The following DOCK8 variants were observed in gnomAD, a reference collection of about 807,000 sequenced individuals.
DOCK8 encodes the protein dedicator of cytokinesis 8, also known as dedicator of cytokinesis protein 8.
A neutral mutation model predicts 245.6 loss-of-function variants in DOCK8; 141 were observed. The observed-to-expected ratio is 0.57, with a 90% confidence interval of 0.50 to 0.66. The LOEUF is 0.66. DOCK8 is among the 30% of genes least tolerant of loss of function. DOCK8 has a pLI of 0.00. For missense variants in DOCK8, 2,965 were observed against 2,603.4 expected (o/e 1.14, Z -3.02); for synonymous variants, 1,168 against 970.2 (o/e 1.20, Z -3.79).
intron 26 of DOCK8, 137 bp from the exon 27 acceptor site, chr9:404,781 T>A (rs1421187267): frequency 1.1e-5 from 10 of 873,920 alleles, no homozygotes; most frequent in African/African-American, 1.7e-5. Context: ...GAATTTACCA[T>A]CTGTTGCACT....
Position 422,080 on chromosome 9 carries a change from T to G in DOCK8, c.4186T>G (p.Leu1396Val). 1 of 1,614,082 alleles carries G rather than the reference T, an allele frequency of 6.2e-7. No homozygotes were observed. The highest frequency in any genetic ancestry group is 1.1e-5 in the South Asian group (1 of 91,080). Reference protein sequence around the residue: ...NDRFPGLNENLRWKKEQTHWR... With the variant: ...NDRFPGLNENVRWKKEQTHWR... ...CCGATTTCCAGGCCTAAATGAAAAT[T>G]TGAGATGGAAGAAAGAGCAGACACA... Residue 1396 changes from leucine to valine, a missense_variant, in exon 33 of 48, where the codon TTG becomes GTG. By Grantham distance (32) the Leu-to-Val change is conservative. Transcript: ENST00000432829.
At chr9:268,237 G>T (rs1439262089) in intron 1 of DOCK8, 1 of 152,166 alleles carries the variant, frequency 6.6e-6, no homozygotes, top group East Asian at 1.9e-4. Context: ...TGACAGTTTT[G>T]AAGTGACAGG....
In DOCK8 at chr9:243,019, A is replaced by G. The variant is rs567995448; in HGVS notation, c.53+27990A>G. Among the ~76,000 whole-genome samples, 98 of 152,276 alleles carry G rather than the reference A, an allele frequency of 6.4e-4. 1 individual carries two copies. The highest frequency in any genetic ancestry group is 7.8e-4 in the Non-Finnish European group (53 of 68,036). On this transcript the variant is annotated intron_variant, in intron 1 of 47. Coordinates refer to ENST00000432829, the MANE Select transcript of DOCK8 (RefSeq NM_203447.4). Reference sequence around the variant, plus strand: ...TCTATCTTTTCATTAGAGCAGGCCAACACTGACTTGATTTTTCTCTGAAAT... The same window carrying G: ...TCTATCTTTTCATTAGAGCAGGCCAGCACTGACTTGATTTTTCTCTGAAAT...
At chr9:314,740 A>G (rs2050271196) in intron 6 of DOCK8, among the ~76,000 whole-genome samples, 1 of 152,198 alleles carries the variant, frequency 6.6e-6, no homozygotes, top group Non-Finnish European at 1.5e-5. Flanking sequence ...GTTCTATGGA[A>G]GAAAGGTAAA....
chr9:337,619 G>A (rs1324689805), intron 12 of DOCK8, among the ~76,000 whole-genome samples: 2 of 151,800 alleles, frequency 1.3e-5, no homozygotes, highest in Non-Finnish European at 2.9e-5. Flanking sequence ...ATTCCAGATG[G>A]TACTCTTTGT....
At chr9:273,444 A>AT (rs1411857861) in intron 2 of DOCK8, among the ~76,000 whole-genome samples, 3 of 152,200 alleles carry the variant, frequency 2.0e-5, no homozygotes, top group Non-Finnish European at 2.9e-5. Context: ...AATCAAAAAA[A>AT]TTTTTTTAAA....
chr9:327,492 C>G (rs1208996613), intron 8 of DOCK8, among the ~76,000 whole-genome samples: 1 of 150,178 alleles, frequency 6.7e-6, no homozygotes, highest in South Asian at 2.1e-4. Flanking sequence ...CTCCCGGGTT[C>G]AAGTGATCCA....
chr9:230,182 G>C (rs2047078971), intron 1 of DOCK8, among the ~76,000 whole-genome samples: 1 of 151,460 alleles, frequency 6.6e-6, no homozygotes, highest in African/African-American at 2.4e-5. Context: ...GCGATAGTTT[G>C]CTGAGAATGA....
chr9:449,553 GT>G (rs2057365641), intron 44 of DOCK8, among the ~76,000 whole-genome samples: 1 of 152,194 alleles, frequency 6.6e-6, no homozygotes, highest in Non-Finnish European at 1.5e-5. Flanking sequence ...GTATAAAGAG[GT>G]TGTTGAGAGG....
intron 12 of DOCK8, 75 bp downstream of exon 12, chr9:336,793 T>A: frequency 6.3e-7 from 1 of 1,576,698 alleles, no homozygotes; most frequent in Non-Finnish European, 8.7e-7. Flanking sequence ...AGGAGGAGGA[T>A]ACGTAGTGAT....
intron 15 of DOCK8, 127 bp downstream of exon 15, chr9:368,262 C>T: frequency 1.2e-6 from 1 of 844,950 alleles, no homozygotes; most frequent in Non-Finnish European, 2.1e-6. Context: ...TCAGCATGTG[C>T]AAGGGCTTCT....
intron 4 of DOCK8, among the ~76,000 whole-genome samples, chr9:294,077 G>C (rs947990772): frequency 1.3e-5 from 2 of 152,084 alleles, no homozygotes; most frequent in African/African-American, 4.8e-5. Flanking sequence ...ATTAATGTAT[G>C]TACTTATATA....
At chr9:400,995 C>CACCACCTCCTTCACCAT (rs1564017193) in intron 26 of DOCK8, among the ~76,000 whole-genome samples, 11 of 54,608 alleles carry the variant, frequency 2.0e-4, no homozygotes, top group Non-Finnish European at 2.9e-4. Context: ...TCCTCCACCA[C>CACCACCTCCTTCACCAT]CACCACCATT....
At chr9:263,417 C>G (rs539392949) in intron 1 of DOCK8, among the ~76,000 whole-genome samples, 2 of 152,242 alleles carry the variant, frequency 1.3e-5, no homozygotes, top group African/African-American at 4.8e-5. Flanking sequence ...CCGTTTACCC[C>G]TCAAACCTTT....
At chr9:317,835 C>A (rs2050412263) in intron 7 of DOCK8, among the ~76,000 whole-genome samples, 1 of 152,148 alleles carries the variant, frequency 6.6e-6, no homozygotes, top group Non-Finnish European at 1.5e-5. Flanking sequence ...TACCGACTCC[C>A]TAAATATGTT....
At chr9:441,762 A>G in intron 41 of DOCK8, 113 bp from the exon 42 acceptor site, 1 of 1,346,286 alleles carries the variant, frequency 7.4e-7, no homozygotes, top group Non-Finnish European at 1.0e-6. Flanking sequence ...TGTTTACATC[A>G]GCCATAGGAG....
intron 26 of DOCK8, among the ~76,000 whole-genome samples, chr9:400,947 T>TTAC (rs2055016010): frequency 3.5e-5 from 1 of 28,554 alleles, no homozygotes; most frequent in African/African-American, 7.0e-4. Flanking sequence ...ACCACCACCA[T>TTAC]CACCACCACC....
chr9:237,360 T>G (rs1236356762), intron 1 of DOCK8, among the ~76,000 whole-genome samples: 2 of 152,180 alleles, frequency 1.3e-5, no homozygotes, highest in Non-Finnish European at 2.9e-5. Flanking sequence ...TAAAATCTAA[T>G]TGCAATTGCA....
intron 41 of DOCK8, 117 bp from the exon 42 acceptor site, chr9:441,758 C>T (rs1015259773): frequency 2.3e-6 from 3 of 1,318,214 alleles, no homozygotes; most frequent in South Asian, 1.3e-5. Context: ...TTTCTGTTTA[C>T]ATCAGCCATA....
Sources: gnomAD v4.1 joint callset for allele counts (sites outside exome capture counted in the v4.1 genomes callset) on GRCh38, gnomAD v4.1.1 for gene constraint, MANE v1.5 for transcripts, NCBI Gene and HGNC (gene_info 2026-07-23, HGNC 2026-07-21) for gene names.